The following BAIAP3 variants were observed in gnomAD, a reference collection of about 807,000 sequenced individuals.
BAIAP3 encodes BAI1 associated protein 3, also known as BAI1-associated protein 3.
In BAIAP3, 180 loss-of-function variants were observed where a neutral mutation model predicts 149.7. The observed-to-expected ratio is 1.20, with a 90% confidence interval of 1.07 to 1.36. The LOEUF (loss-of-function observed/expected upper bound fraction) is 1.36. Ranked by LOEUF, BAIAP3 falls within the 40% of genes most tolerant of loss-of-function variation. The pLI is 0.00. For missense variants in BAIAP3, 1,767 were observed against 1,563.4 expected, an observed-to-expected ratio of 1.13 and a Z score of -2.20; for synonymous variants, 845 against 670.7, an observed-to-expected ratio of 1.26 and a Z score of -4.02.
chr16:1,339,407 G>A (rs1490830538), intron 4 of BAIAP3, 89 bp from the exon 5 acceptor site: 3 of 1,487,074 alleles, frequency 2.0e-6, no homozygotes, highest in Non-Finnish European at 1.8e-6. Flanking sequence ...AGAGGCAGAG[G>A]TGGGGCCTGG....
intron 1 of BAIAP3, chr16:1,336,496 A>C: frequency 1.9e-5 from 13 of 696,026 alleles, no homozygotes; most frequent in Non-Finnish European, 2.3e-5. Flanking sequence ...AAGAGCCTGC[A>C]CCCAGGGCTC....
chr16:1,346,684 G>A lies in BAIAP3; in HGVS notation c.2642G>A (p.Arg881Lys). ...NASLVKGNLS[R>K]VLEALWELLL... ...TCGCTGGTGAAGGGGAACCTGAGCAGGTGCGGGCGGGTGGGGTGGGATGGG... is the reference window on the plus strand; with the variant it reads ...TCGCTGGTGAAGGGGAACCTGAGCAAGTGCGGGCGGGTGGGGTGGGATGGG... The change falls in exon 27 of 34, where the codon AGG becomes AAG. Residue 881 changes from arginine (R) to lysine (K), a missense_variant and splice_region_variant. Coordinates refer to ENST00000426824, the MANE Select transcript of BAIAP3 (RefSeq NM_001199097.2). 2 of 1,538,790 alleles carry A rather than the reference G, an allele frequency of 1.3e-6. No homozygotes were observed. Among genetic ancestry groups the A allele is most frequent in the South Asian group, 1.2e-5 (1 of 83,956 alleles).
chr16:1,348,672 T>C lies in BAIAP3; in HGVS notation c.*190T>C. ...CTGTCTGGTGTGTGCTGTGAACCCC[T>C]GCACCCAACCCCACATCTGGGTGGC... On this transcript the variant is annotated 3_prime_UTR_variant, in exon 34 of 34. Transcript: ENST00000426824. The C allele has an allele frequency of 1.6e-6, 1 of 630,848 alleles. No homozygotes were observed. Among genetic ancestry groups the C allele is most frequent in the Non-Finnish European group, 2.8e-6 (1 of 362,338 alleles). The allele number at this position is 630,848 out of a possible 1,614,324, so 39.1% of individuals were successfully genotyped here.
intron 8 of BAIAP3, 122 bp downstream of exon 8, chr16:1,341,611 T>C (rs1486382274): frequency 1.5e-6 from 2 of 1,347,598 alleles, no homozygotes; most frequent in Non-Finnish European, 2.0e-6. Context: ...GTGCCCACTT[T>C]CCAGAGGAGA....
chr16:1,346,467 T>C lies in BAIAP3; in HGVS notation c.2519T>C (p.Val840Ala), dbSNP rs1161201986. 1 of 1,612,466 alleles carries C rather than the reference T, an allele frequency of 6.2e-7. No individual in the cohort carries two copies. The highest frequency in any genetic ancestry group is 1.1e-5 in the South Asian group (1 of 90,916). Residue 840 changes from valine (V) to alanine (A), a missense_variant, in exon 26 of 34, where the codon GTA (valine) becomes GCA (alanine). By Grantham distance (64) the Val-to-Ala change is moderately conservative. Coordinates refer to ENST00000426824, the MANE Select transcript of BAIAP3 (RefSeq NM_001199097.2). ...ATGGTGGGCGACATCCGCAAGTATG[T>C]ACAGCACATCAGTCTCTCGCCTGAC... The part of the protein sequence containing the change: ...SKMVGDIRKY[V>A]QHISLSPDSI...
intron 1 of BAIAP3, among the ~76,000 whole-genome samples, chr16:1,335,254 T>C (rs1419176346): frequency 6.6e-6 from 1 of 152,092 alleles, no homozygotes; most frequent in African/African-American, 2.4e-5. Context: ...GGGAGCAAGG[T>C]GGGATGGGCA....
intron 5 of BAIAP3, among the ~76,000 whole-genome samples, 153 bp downstream of exon 5, chr16:1,339,756 C>T (rs530350127): frequency 1.4e-5 from 2 of 147,588 alleles, no homozygotes; most frequent in South Asian, 2.1e-4. Context: ...CACACACACA[C>T]GCACACAGGC....
Position 1,347,881 on chromosome 16 carries a change from TG to T in BAIAP3, c.3026-12del. On this transcript the variant is annotated splice_polypyrimidine_tract_variant and intron_variant, in intron 31 of 33. Coordinates refer to ENST00000426824, the MANE Select transcript of BAIAP3 (RefSeq NM_001199097.2). ...GGATGGGGGCAGGGGGGCTCACGAC[TG>T]TGCTCCTGCAGGCTTAAGTGACCCC... 2 of 1,610,930 alleles carry T rather than the reference TG, an allele frequency of 1.2e-6. No individual in the cohort carries two copies. Among genetic ancestry groups the T allele is most frequent in the Non-Finnish European group, 1.7e-6 (2 of 1,179,592 alleles).
At chr16:1,340,354 A>ACACC (rs2033830559) in intron 5 of BAIAP3, among the ~76,000 whole-genome samples, 1 of 144,820 alleles carries the variant, frequency 6.9e-6, no homozygotes. Context: ...ACACACGCAC[A>ACACC]CAGGCTGCAG....
chr16:1,346,406 C>T (rs1302934050), intron 25 of BAIAP3, 36 bp from the exon 26 acceptor site: 3 of 1,611,536 alleles, frequency 1.9e-6, no homozygotes, highest in Non-Finnish European at 2.5e-6. Context: ...GTCCCTGGTG[C>T]CCCCTGCCCG....
In BAIAP3 at chr16:1,345,851, C is replaced by T; in HGVS notation, c.2169C>T (p.Asp723=). Residue 723 remains aspartate (D), a synonymous_variant, in exon 23 of 34, where the codon GAC becomes GAT. Coordinates refer to ENST00000426824, the MANE Select transcript of BAIAP3 (RefSeq NM_001199097.2). ...TGTGGGTGCGCCTGGCGTGGCCTGACCCTGCCCAGGCTCAGGGGCTGGGCA... is the reference window on the plus strand; with the variant it reads ...TGTGGGTGCGCCTGGCGTGGCCTGATCCTGCCCAGGCTCAGGGGCTGGGCA... ...QELWVRLAWP[D]PAQAQGLGTQ... The T allele has an allele frequency of 6.3e-7, 1 of 1,580,026 alleles. No homozygotes were observed. Among genetic ancestry groups the T allele is most frequent in the South Asian group, 1.2e-5 (1 of 86,572 alleles).
chr16:1,343,501 GC>G lies in BAIAP3; in HGVS notation c.1378del (p.Gln460ArgfsTer44). ...CACACTGGGAAGAGGCTCCTTCACT[GC>G]CCCAGGAGCAGGTGGGTGCAGCCGG... ...QAHWEEAPSL[P>X]QEQEESLADS... On this transcript the variant is annotated frameshift_variant, in exon 15 of 34. Coordinates refer to ENST00000426824, the MANE Select transcript of BAIAP3 (RefSeq NM_001199097.2). LOFTEE classifies it high-confidence loss of function. 1 of 1,605,896 alleles carries G rather than the reference GC, an allele frequency of 6.2e-7. No individual in the cohort carries two copies. Among genetic ancestry groups the G allele is most frequent in the Non-Finnish European group, 8.5e-7 (1 of 1,177,784 alleles).
intron 14 of BAIAP3, 87 bp downstream of exon 14, chr16:1,343,103 G>T: frequency 7.7e-7 from 1 of 1,299,834 alleles, no homozygotes. Flanking sequence ...AGTGGATGTC[G>T]TGGCTGGGAG....
chr16:1,339,030 A>T, intron 3 of BAIAP3, 41 bp downstream of exon 3: 3 of 1,609,812 alleles, frequency 1.9e-6, no homozygotes, highest in Non-Finnish European at 2.5e-6. Flanking sequence ...ACAGCCCAGC[A>T]TGGGGCTCCC....
intron 22 of BAIAP3, 68 bp from the exon 23 acceptor site, chr16:1,345,679 C>A: frequency 1.9e-6 from 1 of 539,446 alleles, no homozygotes; most frequent in Non-Finnish European, 3.2e-6. Context: ...CCCCCACAAC[C>A]CCCGCCTCCC....
At chr16:1,334,883 TG>T in intron 1 of BAIAP3, 1 of 876,420 alleles carries the variant, frequency 1.1e-6, no homozygotes. Flanking sequence ...AGCCAGCCTG[TG>T]GGGCAGATGT....
intron 1 of BAIAP3, chr16:1,334,869 G>A: frequency 9.6e-7 from 1 of 1,040,842 alleles, no homozygotes; most frequent in Non-Finnish European, 1.4e-6. Flanking sequence ...AGGGCAGCGT[G>A]GAGAGCCAGC....
intron 29 of BAIAP3, 75 bp from the exon 30 acceptor site, chr16:1,347,469 CG>C: frequency 1.9e-6 from 3 of 1,577,936 alleles, no homozygotes; most frequent in Non-Finnish European, 2.6e-6. Flanking sequence ...GGTGGCCCCA[CG>C]GGCAGTCAGG....
chr16:1,339,086 G>C (rs556848689), intron 3 of BAIAP3, 78 bp from the exon 4 acceptor site: 1,238 of 1,593,836 alleles, frequency 7.8e-4, no homozygotes, highest in Non-Finnish European at 9.8e-4. Flanking sequence ...CCACCTCCTG[G>C]GGCACCACCT....
Sources: gnomAD v4.1 joint callset for allele counts (sites outside exome capture counted in the v4.1 genomes callset) on GRCh38, gnomAD v4.1.1 for gene constraint, MANE v1.5 for transcripts, NCBI Gene and HGNC (gene_info 2026-07-23, HGNC 2026-07-21) for gene names.